The following WIF1 variants were observed in gnomAD, a reference collection of about 807,000 sequenced individuals.
The protein encoded by WIF1 is Wnt inhibitory factor 1.
Under a neutral mutation model 53.5 loss-of-function variants are expected in WIF1, and 35 were observed. The observed-to-expected ratio is 0.65, with a 90% CI of 0.50 to 0.87. The LOEUF (loss-of-function observed/expected upper bound fraction) is 0.87, where lower values mean the gene tolerates loss of function less well. Ranked by LOEUF, WIF1 falls within the 40% of genes least tolerant of loss-of-function variation. The pLI, the probability that WIF1 is intolerant of heterozygous loss-of-function variation, is 0.00. For missense variants in WIF1, 467 were observed against 476.8 expected, an observed-to-expected ratio of 0.98 and a Z score of 0.19; for synonymous variants, 171 against 170.4, an observed-to-expected ratio of 1.00 and a Z score of -0.03.
At chr12:65,068,739 C>A in intron 4 of WIF1, 25 bp downstream of exon 4, 2 of 1,610,470 alleles carry the variant, frequency 1.2e-6, no homozygotes, top group Non-Finnish European at 1.7e-6. Context: ...AACATGTCTT[C>A]TCTTGAATCA....
chr12:65,088,053 T>G (rs115993875), intron 2 of WIF1, among the ~76,000 whole-genome samples: 1,561 of 152,330 alleles, frequency 0.01, 34 homozygotes, highest in African/African-American at 0.035. Flanking sequence ...TTATTCATTC[T>G]GTTTAAGAAA....
intron 5 of WIF1, 141 bp from the exon 6 acceptor site, chr12:65,066,877 T>G (rs1882695078): frequency 2.2e-6 from 1 of 453,442 alleles, no homozygotes; most frequent in Admixed American, 4.4e-5. Flanking sequence ...GATACAAGTT[T>G]GCTATATTAA....
chr12:65,080,731 A>G (rs1024402155), intron 2 of WIF1, among the ~76,000 whole-genome samples: 1 of 152,224 alleles, frequency 6.6e-6, no homozygotes, highest in Non-Finnish European at 1.5e-5. Context: ...AATGCACACC[A>G]TGTGCCAAAA....
At chr12:65,103,154 C>G (rs1883306187) in intron 2 of WIF1, among the ~76,000 whole-genome samples, 1 of 152,086 alleles carries the variant, frequency 6.6e-6, no homozygotes, top group Non-Finnish European at 1.5e-5. Flanking sequence ...GAAAAATGCA[C>G]AACTATTAAA....
intron 3 of WIF1, among the ~76,000 whole-genome samples, chr12:65,071,809 T>G (rs887388885): frequency 1.3e-5 from 2 of 152,178 alleles, no homozygotes; most frequent in African/African-American, 4.8e-5. Context: ...AAATAAAGTT[T>G]AGAAATTAGG....
At chr12:65,113,679 T>G (rs549999092) in intron 2 of WIF1, among the ~76,000 whole-genome samples, 110 of 152,306 alleles carry the variant, frequency 7.2e-4, no homozygotes, top group Middle Eastern at 3.4e-3. Context: ...GGCTGGCACA[T>G]GCCTGCTTTG....
chr12:65,100,239 G>A (rs1283443166), intron 2 of WIF1, among the ~76,000 whole-genome samples: 1 of 152,086 alleles, frequency 6.6e-6, no homozygotes, highest in Non-Finnish European at 1.5e-5. Flanking sequence ...GATGGGTCCC[G>A]TGTTCACAAT....
chr12:65,105,468 G>A (rs925402029), intron 2 of WIF1, among the ~76,000 whole-genome samples: 2 of 152,182 alleles, frequency 1.3e-5, no homozygotes, highest in Non-Finnish European at 2.9e-5. Flanking sequence ...TCTTGATTCT[G>A]GTAGCTGGAA....
intron 7 of WIF1, among the ~76,000 whole-genome samples, chr12:65,060,227 A>G (rs1415274938): frequency 6.6e-6 from 1 of 152,204 alleles, no homozygotes; most frequent in Non-Finnish European, 1.5e-5. Context: ...AAACGTCCAC[A>G]CAAGCATCTC....
chr12:65,086,101 G>C (rs1883033134), intron 2 of WIF1, among the ~76,000 whole-genome samples: 2 of 151,060 alleles, frequency 1.3e-5, no homozygotes, highest in African/African-American at 4.9e-5. Context: ...AAGTAGAAAA[G>C]CAAAGCATTG....
intron 2 of WIF1, among the ~76,000 whole-genome samples, chr12:65,079,347 A>T (rs1592393981): frequency 1.3e-5 from 2 of 152,094 alleles, no homozygotes; most frequent in Non-Finnish European, 2.9e-5. Context: ...TATGTCTGTT[A>T]AGGAAATTAT....
chr12:65,077,268 A>C (rs1882875548), intron 3 of WIF1, among the ~76,000 whole-genome samples: 1 of 152,224 alleles, frequency 6.6e-6, no homozygotes. Flanking sequence ...TGATTAGACT[A>C]GAAACGTTGA....
At chr12:65,080,280 A>G (rs1882927561) in intron 2 of WIF1, among the ~76,000 whole-genome samples, 1 of 152,186 alleles carries the variant, frequency 6.6e-6, no homozygotes, top group South Asian at 2.1e-4. Context: ...GGGTAACAAC[A>G]TTGTTTAAGT....
At chr12:65,088,108 T>C (rs1297363770) in intron 2 of WIF1, among the ~76,000 whole-genome samples, 2 of 152,220 alleles carry the variant, frequency 1.3e-5, no homozygotes, top group Admixed American at 6.5e-5. Flanking sequence ...GGAGCACTGA[T>C]GATGACAAGC....
chr12:65,062,637 C>T, intron 6 of WIF1, 61 bp from the exon 7 acceptor site: 1 of 1,470,174 alleles, frequency 6.8e-7, no homozygotes, highest in Non-Finnish European at 9.3e-7. Flanking sequence ...ACACAAATTT[C>T]ACTTAAAGTG....
chr12:65,101,368 G>A (rs1318997138), intron 2 of WIF1, among the ~76,000 whole-genome samples: 1 of 152,084 alleles, frequency 6.6e-6, no homozygotes, highest in Non-Finnish European at 1.5e-5. Context: ...CATTTGAGGA[G>A]GTCTTACAGG....
chr12:65,066,753 A>T lies in WIF1; in HGVS notation c.635-17T>A. On this transcript the variant is annotated splice_polypyrimidine_tract_variant and intron_variant, in intron 5 of 9. Coordinates refer to ENST00000286574, the MANE Select transcript of WIF1 (RefSeq NM_007191.5). The stretch of plus-strand genomic sequence containing the variant: ...TACAAAGGGCTTATAGGGAGAGAGA[A>T]CCCTGATTAAGGCCAAATGGTATTT... 6.4e-7 allele frequency: 1 copy of T among 1,571,772 alleles called. No individual in the cohort carries two copies. Among genetic ancestry groups the T allele is most frequent in the Non-Finnish European group, 8.6e-7 (1 of 1,158,834 alleles).
chr12:65,070,245 C>A (rs546815282), intron 3 of WIF1, among the ~76,000 whole-genome samples: 2 of 152,204 alleles, frequency 1.3e-5, no homozygotes, highest in African/African-American at 4.8e-5. Flanking sequence ...ACATGGACTT[C>A]CATTTCTAGC....
intron 2 of WIF1, among the ~76,000 whole-genome samples, chr12:65,105,332 G>C (rs1169071843): frequency 1.3e-5 from 2 of 152,194 alleles, no homozygotes; most frequent in Admixed American, 6.5e-5. Context: ...TTTCTACGGG[G>C]ACATGGGCTG....
Sources: gnomAD v4.1 joint callset for allele counts (sites outside exome capture counted in the v4.1 genomes callset) on GRCh38, gnomAD v4.1.1 for gene constraint, MANE v1.5 for transcripts, NCBI Gene and HGNC (gene_info 2026-07-23, HGNC 2026-07-21) for gene names.